The following WDR17 variants were observed in gnomAD, a reference collection of about 807,000 sequenced individuals.
WDR17 encodes WD repeat-containing protein 17.
WDR17 carries 143 observed loss-of-function variants against 161.7 expected under a neutral mutation model. That is an observed-to-expected ratio of 0.88 (90% CI 0.77 to 1.02). The LOEUF (loss-of-function observed/expected upper bound fraction) is 1.02. Ranked by LOEUF, WDR17 falls within the 50% of genes least tolerant of loss-of-function variation. The pLI, the probability that WDR17 is intolerant of heterozygous loss-of-function variation, is 0.00. For missense variants in WDR17, 1,469 were observed against 1,520.9 expected (o/e 0.97, Z 0.57); for synonymous variants, 517 against 515.6 (o/e 1.00, Z -0.04).
chr4:176,099,058 A>C (rs1737371623), intron 1 of WDR17, among the ~76,000 whole-genome samples: 1 of 152,156 alleles, frequency 6.6e-6, no homozygotes, highest in African/African-American at 2.4e-5. Flanking sequence ...ATGTATTGGC[A>C]TAAATTTAGA....
intron 6 of WDR17, among the ~76,000 whole-genome samples, chr4:176,130,195 A>C (rs1346390941): frequency 6.6e-6 from 1 of 152,222 alleles, no homozygotes; most frequent in Admixed American, 6.5e-5. Flanking sequence ...AGCATGATTT[A>C]CAAATAGATT....
At chr4:176,147,556 A>C (rs1479159890) in intron 12 of WDR17, among the ~76,000 whole-genome samples, 1 of 152,204 alleles carries the variant, frequency 6.6e-6, no homozygotes, top group East Asian at 1.9e-4. Flanking sequence ...GACATTTCAG[A>C]TAATACCCAT....
intron 4 of WDR17, among the ~76,000 whole-genome samples, chr4:176,123,993 G>T (rs968652154): frequency 6.6e-6 from 1 of 152,222 alleles, no homozygotes; most frequent in Non-Finnish European, 1.5e-5. Flanking sequence ...TTTAGGAGTT[G>T]TAATGCCAGG....
At chr4:176,146,624 T>C (rs184183981) in intron 12 of WDR17, among the ~76,000 whole-genome samples, 2 of 152,134 alleles carry the variant, frequency 1.3e-5, no homozygotes, top group African/African-American at 4.8e-5. Flanking sequence ...AAAACATGCA[T>C]TGGGACTTCA....
chr4:176,087,615 C>G (rs976819521), intron 1 of WDR17, among the ~76,000 whole-genome samples: 14 of 152,086 alleles, frequency 9.2e-5, no homozygotes, highest in South Asian at 4.1e-4. Context: ...TTATACTACT[C>G]TTACATACAT....
rs987815464 is a variant in WDR17, at chr4:176,181,479, T to C, written c.*1900T>C. On this transcript the variant is annotated 3_prime_UTR_variant, in exon 29 of 29. Transcript: ENST00000508596. ...AAGACCACCATCTCCAAAAATTATA[T>C]ATATAAAAATAATTAATATTATAGA... The C allele has an allele frequency of 5.4e-5, 12 of 222,436 alleles. No individual in the cohort carries two copies. The highest frequency in any genetic ancestry group is 8.0e-5 in the Non-Finnish European group (9 of 113,166). 13.8% of individuals were successfully genotyped at this position (222,436 alleles called of 1,614,324 possible).
chr4:176,155,716 A>AATATAT lies in WDR17; in HGVS notation c.2461-348_2461-343dup, dbSNP rs113370958. ...TGCACCACCACATCTGACTAATTAA[A>AATATAT]ATATATATATATATATATATGTTTT... On this transcript the variant is annotated intron_variant, in intron 17 of 28. Coordinates refer to ENST00000508596, the MANE Select transcript of WDR17 (RefSeq NM_181265.4). Among the ~76,000 whole-genome samples, 189 of 130,286 alleles carry AATATAT rather than the reference A, an allele frequency of 1.5e-3. 2 individuals are homozygous for AATATAT. In the Middle Eastern group the frequency reaches 0.023, roughly 16 times the overall value. The allele number at this position is 130,286 out of a possible 152,430, so 85.5% of individuals were successfully genotyped here. A position where few individuals can be genotyped will look rare whatever the true frequency, so the allele number is the denominator to read the frequency against.
intron 24 of WDR17, 123 bp from the exon 25 acceptor site, chr4:176,173,143 GA>G (rs1328862188): frequency 1.7e-6 from 1 of 574,894 alleles, no homozygotes. Context: ...AAATACTTGT[GA>G]TCTAGAAAAT....
At position 176,163,194 on chromosome 4, in the gene WDR17, T is replaced by C. The variant is rs201566973; in HGVS notation, c.2891T>C (p.Leu964Ser). 1.4e-4 allele frequency: 229 copies of C among 1,614,022 alleles called. 2 individuals are homozygous for C. The Middle Eastern group carries it at 1.5e-3, about 10-fold the overall frequency. ...CTGATTCGCGGAAATGAACTGGAGT[T>C]GGCAGTCTGTGTGGGCACAGTACTA... ...AYLIRGNELE[L>S]AVCVGTVLGE... The change falls in exon 22 of 29, where the codon TTG becomes TCG. Residue 964 changes from leucine to serine, a missense_variant. Transcript: ENST00000508596.
At chr4:176,146,519 C>T (rs1307119530) in intron 12 of WDR17, among the ~76,000 whole-genome samples, 1 of 152,224 alleles carries the variant, frequency 6.6e-6, no homozygotes, top group Non-Finnish European at 1.5e-5. Flanking sequence ...CTGCCGTACT[C>T]ATGGCAGAAC....
At position 176,161,332 on chromosome 4, in the gene WDR17, A is replaced by G. The variant is rs186769405; in HGVS notation, c.2750+330A>G. Among the ~76,000 whole-genome samples, 25 of 152,348 alleles carry G rather than the reference A, an allele frequency of 1.6e-4. 1 individual carries two copies. The East Asian group carries it at 4.2e-3, about 26-fold the overall frequency. ...ATGATGAAAATAAGATAGACTGCTT[A>G]TTAATGTTTTACTCTAAAGTTAGTG... On this transcript the variant is annotated intron_variant, in intron 20 of 28. Transcript: ENST00000508596.
At chr4:176,067,334 T>A (rs931471272) in intron 1 of WDR17, among the ~76,000 whole-genome samples, 1 of 152,244 alleles carries the variant, frequency 6.6e-6, no homozygotes, top group African/African-American at 2.4e-5. Flanking sequence ...GTTTGGAGAT[T>A]AATGTTACAA....
At chr4:176,156,472 G>A (rs1005238833) in intron 18 of WDR17, among the ~76,000 whole-genome samples, 9 of 152,022 alleles carry the variant, frequency 5.9e-5, no homozygotes, top group African/African-American at 2.2e-4. Context: ...GGTTAGCATA[G>A]GTTCGTAAAA....
chr4:176,139,661 C>T (rs1744944001), intron 9 of WDR17, among the ~76,000 whole-genome samples: 1 of 151,908 alleles, frequency 6.6e-6, no homozygotes, highest in African/African-American at 2.4e-5. Context: ...ATGGAGCCAC[C>T]TGATTTATGT....
At chr4:176,160,661 A>C (rs1023870683) in intron 19 of WDR17, among the ~76,000 whole-genome samples, 1 of 152,122 alleles carries the variant, frequency 6.6e-6, no homozygotes, top group South Asian at 2.1e-4. Context: ...GCATCTCTGA[A>C]CTCTAAACTT....
chr4:176,175,482 G>C (rs1170116987), intron 26 of WDR17, among the ~76,000 whole-genome samples: 1 of 152,088 alleles, frequency 6.6e-6, no homozygotes, highest in Non-Finnish European at 1.5e-5. Context: ...TAGCTAAATG[G>C]CTTAGTAGGT....
intron 2 of WDR17, among the ~76,000 whole-genome samples, chr4:176,112,815 A>G (rs905053385): frequency 1.3e-5 from 2 of 152,178 alleles, no homozygotes; most frequent in Non-Finnish European, 2.9e-5. Flanking sequence ...TAAATGTCTT[A>G]AATGAATGAA....
rs1749287613 is a variant in WDR17 at position 176,163,160 on chromosome 4, A to G, written c.2857A>G (p.Met953Val). 6 of 1,614,006 alleles carry G rather than the reference A, an allele frequency of 3.7e-6. No homozygotes were observed. Among genetic ancestry groups the G allele is most frequent in the East Asian group, 2.2e-5 (1 of 44,882 alleles). ...TATTTTCTTATTGAGCAAGCTTGCT[A>G]TGGCATACCTGATTCGCGGAAATGA... is the stretch of plus-strand genomic sequence containing the variant. ...HLAIDNIELA[M>V]AYLIRGNELE... Residue 953 changes from methionine to valine, a missense_variant, in exon 22 of 29, where the codon ATG (methionine) becomes GTG (valine). Coordinates refer to ENST00000508596, the MANE Select transcript of WDR17 (RefSeq NM_181265.4).
chr4:176,122,198 T>A (rs1223463966), intron 4 of WDR17, among the ~76,000 whole-genome samples: 3 of 152,194 alleles, frequency 2.0e-5, no homozygotes, highest in Non-Finnish European at 2.9e-5. Context: ...AGTCTTCACA[T>A]GGCACGTGGC....
Sources: gnomAD v4.1 joint callset for allele counts (sites outside exome capture counted in the v4.1 genomes callset) on GRCh38, gnomAD v4.1.1 for gene constraint, MANE v1.5 for transcripts, NCBI Gene and HGNC (gene_info 2026-07-23, HGNC 2026-07-21) for gene names.